Variants in CD207 observed in about 807,000 individuals in gnomAD.
CD207 encodes C-type lectin domain family 4 member K.
A neutral mutation model predicts 31.6 loss-of-function variants in CD207; 28 were observed. The observed-to-expected ratio is 0.89, with a 90% CI of 0.66 to 1.21. The LOEUF (loss-of-function observed/expected upper bound fraction) is 1.21, where lower values mean the gene tolerates loss of function less well. CD207 is among the 50% of genes most tolerant of loss of function. CD207 has a pLI of 0.00. For missense variants in CD207, 388 were observed against 397.8 expected, an observed-to-expected ratio of 0.98 and a Z score of 0.21; for synonymous variants, 168 against 153.9, an observed-to-expected ratio of 1.09 and a Z score of -0.68.
At chr2:70,825,227 C>CA (rs1553398743), downstream of CD207, among the ~76,000 whole-genome samples, 2 of 152,136 alleles carry the variant, frequency 1.3e-5, no homozygotes, top group African/African-American at 4.8e-5. Flanking sequence ...TCAAAACTGT[C>CA]AAAGTCTTCA....
intron 3 of CD207, 55 bp downstream of exon 3, chr2:70,833,590 AG>A: frequency 6.6e-7 from 1 of 1,508,156 alleles, no homozygotes; most frequent in East Asian, 2.4e-5. Context: ...GGTCTGGGAC[AG>A]GTAAGATCCC....
intron 2 of CD207, 25 bp downstream of exon 2, chr2:70,835,466 C>T (rs1677590815): frequency 2.6e-6 from 4 of 1,559,616 alleles, no homozygotes; most frequent in Non-Finnish European, 8.8e-7. Context: ...GGGCTAAGCC[C>T]AGACGATGAA....
In CD207 at chr2:70,831,030, G is replaced by C; in HGVS notation, c.*20C>G. 3.1e-6 allele frequency: 5 copies of C among 1,606,528 alleles called. No individual in the cohort carries two copies. Among genetic ancestry groups the C allele is most frequent in the Non-Finnish European group, 4.3e-6 (5 of 1,175,964 alleles). ...TAACAAGCGTTGGAGCTCAAAGAGT[G>C]AGCTTGGGAGCCTGTCCTGTCACGG... On this transcript the variant is annotated 3_prime_UTR_variant, in exon 6 of 6. Transcript: ENST00000410009.
chr2:70,830,460 A>T lies in CD207; in HGVS notation c.*590T>A, dbSNP rs1553399473. ...GCCAGCCGAGCTCTGAAGGAGATAC[A>T]AGTCCGTGTCAGCCACTGACTTGAA... On this transcript the variant is annotated 3_prime_UTR_variant, in exon 6 of 6. Coordinates refer to ENST00000410009, the MANE Select transcript of CD207 (RefSeq NM_015717.5). 6.6e-6 allele frequency: 1 copy of T among 152,490 alleles called. No homozygotes were observed. Among genetic ancestry groups the T allele is most frequent in the African/African-American group, 2.4e-5 (1 of 41,450 alleles). The allele number at this position is 152,490 out of a possible 1,614,324, so 9.4% of individuals were successfully genotyped here.
At chr2:70,834,734 G>T (rs906157731) in intron 2 of CD207, among the ~76,000 whole-genome samples, 3 of 152,098 alleles carry the variant, frequency 2.0e-5, no homozygotes, top group Non-Finnish European at 2.9e-5. Context: ...GGGCAAGGGG[G>T]ACTCTGCTCA....
chr2:70,835,747 C>A lies in CD207; in HGVS notation c.30G>T (p.Ala10=). The A allele has an allele frequency of 6.2e-7, 1 of 1,612,772 alleles. No individual in the cohort carries two copies. Among genetic ancestry groups the A allele is most frequent in the Non-Finnish European group, 8.5e-7 (1 of 1,179,434 alleles). The change falls in exon 1 of 6, where the codon GCG becomes GCT. Residue 10 remains alanine, a synonymous_variant. Coordinates refer to ENST00000410009, the MANE Select transcript of CD207 (RefSeq NM_015717.5). ...TGTTCTGTTTGTCCACAGTGAAGTG[C>A]GCATCAGGGGCCTCCTTCTCCACAG... The part of the protein sequence containing the change: MTVEKEAPD[A]HFTVDKQNIS...
the CD207 span, among the ~76,000 whole-genome samples, chr2:70,824,622 C>CAAAAAAAAAAAA: frequency 3.1e-4 from 12 of 38,764 alleles, no homozygotes; most frequent in African/African-American, 4.1e-4. Flanking sequence ...GCTTAGTTAC[C>CAAAAAAAAAAAA]AAAAAAAAAA....
chr2:70,833,184 A>G, intron 3 of CD207, 133 bp from the exon 4 acceptor site: 1 of 756,862 alleles, frequency 1.3e-6, no homozygotes, highest in Admixed American at 2.4e-5. Context: ...GGGTCCTTGT[A>G]TAGGAGATTA....
At position 70,835,677 on chromosome 2, in the gene CD207, C is replaced by T. The variant is rs782038432; in HGVS notation, c.73+27G>A. ...GCAGGTTTGCACACAGAACACGGAG[C>T]AGGTTCTCAGCAGCGATGTGGCTTG... On this transcript the variant is annotated intron_variant, in intron 1 of 5. Coordinates refer to ENST00000410009, the MANE Select transcript of CD207 (RefSeq NM_015717.5). The T allele has an allele frequency of 1.9e-6, 3 of 1,612,396 alleles. No individual in the cohort carries two copies. In the East Asian group the frequency reaches 6.7e-5, roughly 36 times the overall value.
chr2:70,827,860 A>G (rs1451183383), downstream of CD207, among the ~76,000 whole-genome samples: 1 of 152,250 alleles, frequency 6.6e-6, no homozygotes, highest in Non-Finnish European at 1.5e-5. Flanking sequence ...GTTCACGAGC[A>G]TTAGGACTAG....
At chr2:70,825,859 G>A (rs181342484), downstream of CD207, among the ~76,000 whole-genome samples, 1 of 152,210 alleles carries the variant, frequency 6.6e-6, no homozygotes, top group East Asian at 1.9e-4. Context: ...AAAGATATTA[G>A]GGATGGCTGG....
chr2:70,835,796 C>A lies in CD207; in HGVS notation c.-20G>T. On this transcript the variant is annotated 5_prime_UTR_variant, in exon 1 of 6. Coordinates refer to ENST00000410009, the MANE Select transcript of CD207 (RefSeq NM_015717.5). The stretch of plus-strand genomic sequence containing the variant: ...AGTCATCCTGAGTGCTCACCCTTAT[C>A]CTGGGAGCACAGGTGCTTCTGGCTG... 1 of 1,593,682 alleles carries A rather than the reference C, an allele frequency of 6.3e-7. No homozygotes were observed. Among genetic ancestry groups the A allele is most frequent in the African/African-American group, 1.3e-5 (1 of 74,632 alleles).
chr2:70,835,317 C>T (rs1553400791), intron 2 of CD207, among the ~76,000 whole-genome samples, 174 bp downstream of exon 2: 1 of 152,020 alleles, frequency 6.6e-6, no homozygotes, highest in East Asian at 1.9e-4. Context: ...AGCATCAGCT[C>T]ACCGTACTGG....
chr2:70,827,410 G>T (rs1342542319), downstream of CD207, among the ~76,000 whole-genome samples: 1 of 152,150 alleles, frequency 6.6e-6, no homozygotes, highest in Non-Finnish European at 1.5e-5. Context: ...GAACAGAGAG[G>T]CAGAGAGAAA....
chr2:70,829,176 A>G (rs1177437576), downstream of CD207, among the ~76,000 whole-genome samples: 1 of 152,108 alleles, frequency 6.6e-6, no homozygotes, highest in Non-Finnish European at 1.5e-5. Flanking sequence ...GCCAAAACCA[A>G]CCAGAGATCC....
chr2:70,827,103 A>G (rs1485525609), downstream of CD207, among the ~76,000 whole-genome samples: 3 of 151,838 alleles, frequency 2.0e-5, no homozygotes, highest in Non-Finnish European at 4.4e-5. Context: ...CCTTCTCTGC[A>G]TTTTCTGTTT....
chr2:70,833,130 G>A, intron 3 of CD207, 79 bp from the exon 4 acceptor site: 1 of 1,399,890 alleles, frequency 7.1e-7, no homozygotes, highest in Non-Finnish European at 1.0e-6. Context: ...ACTTGAATGA[G>A]GTCTCAGAGA....
At chr2:70,827,223 G>A (rs556806119), downstream of CD207, among the ~76,000 whole-genome samples, 1 of 152,196 alleles carries the variant, frequency 6.6e-6, no homozygotes, top group South Asian at 2.1e-4. Flanking sequence ...AAATCCTTTC[G>A]CTTTAGGCTC....
At chr2:70,826,808 C>G (rs1677356619), downstream of CD207, among the ~76,000 whole-genome samples, 1 of 152,222 alleles carries the variant, frequency 6.6e-6, no homozygotes, top group African/African-American at 2.4e-5. Flanking sequence ...CAAATGTTTT[C>G]CAGTGACATA....
Sources: allele counts gnomAD v4.1 joint callset (sites outside exome capture counted in the v4.1 genomes callset), GRCh38; gene constraint gnomAD v4.1.1; transcripts MANE v1.5; gene names NCBI Gene and HGNC (gene_info 2026-07-23, HGNC 2026-07-21).